GFOD2: variants seen among roughly 807,000 people sequenced by gnomAD.
The protein encoded by GFOD2 is Gfo/Idh/MocA-like oxidoreductase domain containing 2, also known as glucose-fructose oxidoreductase domain-containing protein 2.
GFOD2 carries 9 observed loss-of-function variants against 24.6 expected under a neutral mutation model. That is an observed-to-expected ratio of 0.37 (90% CI 0.22 to 0.64). The LOEUF is 0.64. Ranked by LOEUF, GFOD2 falls within the 30% of genes least tolerant of loss-of-function variation. The pLI is 0.65. For synonymous variants in GFOD2, 211 were observed against 224.8 expected, an observed-to-expected ratio of 0.94 and a Z score of 0.55; for missense variants, 476 against 532.5, an observed-to-expected ratio of 0.89 and a Z score of 1.04.
chr16:67,707,625 T>G (rs2053447965), intron 1 of GFOD2, among the ~76,000 whole-genome samples: 1 of 152,150 alleles, frequency 6.6e-6, no homozygotes, highest in Non-Finnish European at 1.5e-5. Context: ...GAAACAAATG[T>G]TCACATCATA....
In GFOD2 at chr16:67,676,054, CT is replaced by C; in HGVS notation, c.260-2del. 1 of 1,600,000 alleles carries C rather than the reference CT, an allele frequency of 6.3e-7. No homozygotes were observed. Among genetic ancestry groups the C allele is most frequent in the Non-Finnish European group, 8.5e-7 (1 of 1,171,878 alleles). On this transcript the variant is annotated splice_acceptor_variant, in intron 2 of 2. Transcript: ENST00000268797. LOFTEE classifies it high-confidence loss of function. ...TCGCAAACCACATTCTTCCCAATAC[CT>C]AACAACAGGACACAACAGGAAATCT...
chr16:67,680,761 T>A, intron 2 of GFOD2: 1 of 960,752 alleles, frequency 1.0e-6, no homozygotes, highest in Non-Finnish European at 1.2e-6. Flanking sequence ...TTTATTTTTT[T>A]AATACATATT....
rs571277222 is a variant in GFOD2 at position 67,691,510 on chromosome 16, C to G, written c.-87-5708G>C. 2.4e-4 allele frequency among the ~76,000 whole-genome samples: 35 copies of G among 144,764 alleles called. No individual in the cohort carries two copies. The East Asian group carries it at 4.9e-3, about 20-fold the overall frequency. The allele number at this position is 144,764 out of a possible 152,430, so 95.0% of individuals were successfully genotyped here. A position where few individuals can be genotyped will look rare whatever the true frequency, so the allele number is the denominator to read the frequency against. On this transcript the variant is annotated intron_variant, in intron 1 of 2. Transcript: ENST00000268797. ...GAAGCAAGTCACACTGTGCCTAGACCCCCCCCCAAAAAAAAAAAAATTAAG... is the reference window on the plus strand; with the variant it reads ...GAAGCAAGTCACACTGTGCCTAGACGCCCCCCCAAAAAAAAAAAAATTAAG...
intron 1 of GFOD2, among the ~76,000 whole-genome samples, chr16:67,716,730 C>T (rs925478290): frequency 3.3e-5 from 5 of 152,142 alleles, no homozygotes; most frequent in African/African-American, 9.7e-5. Context: ...GTTAACAGTA[C>T]TGATTTTCCC....
At chr16:67,680,200 T>C (rs1597790866) in intron 2 of GFOD2, among the ~76,000 whole-genome samples, 1 of 152,348 alleles carries the variant, frequency 6.6e-6, no homozygotes, top group African/African-American at 2.4e-5. Context: ...CCAACCCATG[T>C]TGATTTTATA....
chr16:67,683,542 T>C (rs1311064592), intron 2 of GFOD2: 10 of 1,231,774 alleles, frequency 8.1e-6, no homozygotes, highest in African/African-American at 1.5e-5. Flanking sequence ...TGGTGACCAA[T>C]GAATGAATAA....
chr16:67,693,085 C>G (rs2142995185), intron 1 of GFOD2, among the ~76,000 whole-genome samples: 1 of 151,988 alleles, frequency 6.6e-6, no homozygotes, highest in East Asian at 1.9e-4. Flanking sequence ...TCCTTTCTCA[C>G]TTTTTAAATA....
In GFOD2 at chr16:67,675,125, T is replaced by C. The variant is rs760198233; in HGVS notation, c.*30A>G. The stretch of plus-strand genomic sequence containing the variant: ...CTCCTGTTCCCCTCCCTGGTCCCTC[T>C]GCCCTGTGGCAAGGAGCCCAGGTGC... On this transcript the variant is annotated 3_prime_UTR_variant, in exon 3 of 3. Coordinates refer to ENST00000268797, the MANE Select transcript of GFOD2 (RefSeq NM_030819.4). The C allele has an allele frequency of 5.0e-6, 8 of 1,586,146 alleles. No individual in the cohort carries two copies. The highest frequency in any genetic ancestry group is 6.9e-6 in the Non-Finnish European group (8 of 1,164,182).
At chr16:67,682,727 A>C (rs1273049210) in intron 2 of GFOD2, 7 of 985,338 alleles carry the variant, frequency 7.1e-6, no homozygotes, top group African/African-American at 1.7e-5. Context: ...TGGCCTTAGA[A>C]GTAAGGTAAA....
chr16:67,699,412 A>C (rs2053383311), intron 1 of GFOD2, among the ~76,000 whole-genome samples: 1 of 152,174 alleles, frequency 6.6e-6, no homozygotes, highest in Non-Finnish European at 1.5e-5. Flanking sequence ...CAGGGGTTTA[A>C]TCCCAGGAAT....
At chr16:67,718,436 C>A (rs552107865) in intron 1 of GFOD2, among the ~76,000 whole-genome samples, 1 of 152,352 alleles carries the variant, frequency 6.6e-6, no homozygotes, top group Non-Finnish European at 1.5e-5. Flanking sequence ...GTGCTGTAGT[C>A]TGGAGGGTAA....
chr16:67,689,126 C>T (rs1433577103), intron 1 of GFOD2, among the ~76,000 whole-genome samples: 1 of 151,302 alleles, frequency 6.6e-6, no homozygotes, highest in East Asian at 2.0e-4. Flanking sequence ...TGCAACCTCC[C>T]CCTCCTGGTT....
At chr16:67,695,281 G>A (rs1427782011) in intron 1 of GFOD2, among the ~76,000 whole-genome samples, 1 of 152,028 alleles carries the variant, frequency 6.6e-6, no homozygotes, top group Non-Finnish European at 1.5e-5. Context: ...ACAGGCATGA[G>A]CCACTGAGCC....
At chr16:67,679,102 G>A (rs2053204737) in intron 2 of GFOD2, among the ~76,000 whole-genome samples, 2 of 152,270 alleles carry the variant, frequency 1.3e-5, no homozygotes, top group Admixed American at 6.5e-5. Context: ...AGGAGATTGG[G>A]GCTGCAGTTT....
In GFOD2 at chr16:67,675,998, C is replaced by T. The variant is rs2053182655; in HGVS notation, c.315G>A (p.Arg105=). ...GGTAGTAGCGCGAGGCTGTCACCAT[C>T]CGGAAGGCATCCACCGATGTTGCTG... The part of the protein sequence containing the change: ...EKAATSVDAF[R]MVTASRYYPQ... Residue 105 remains arginine (R), a synonymous_variant, in exon 3 of 3, where the codon CGG becomes CGA. Transcript: ENST00000268797. 6.2e-7 allele frequency: 1 copy of T among 1,613,992 alleles called. No individual in the cohort carries two copies. The highest frequency in any genetic ancestry group is 8.5e-7 in the Non-Finnish European group (1 of 1,180,004).
intron 2 of GFOD2, chr16:67,682,448 G>A (rs2053234099): frequency 2.0e-6 from 2 of 985,182 alleles, no homozygotes; most frequent in South Asian, 9.4e-5. Context: ...AGATGCTAGG[G>A]GCACCTTGCA....
chr16:67,690,112 T>C (rs1203128310), intron 1 of GFOD2, among the ~76,000 whole-genome samples: 2 of 152,234 alleles, frequency 1.3e-5, no homozygotes, highest in East Asian at 3.8e-4. Flanking sequence ...TTTTAGCTAC[T>C]GTGAATAATA....
At chr16:67,708,461 C>G (rs761619213) in intron 1 of GFOD2, among the ~76,000 whole-genome samples, 42 of 152,310 alleles carry the variant, frequency 2.8e-4, no homozygotes, top group Admixed American at 1.8e-3. Flanking sequence ...CAGTGTGTCA[C>G]ACTGGGTGAG....
intron 1 of GFOD2, among the ~76,000 whole-genome samples, chr16:67,700,199 C>A (rs1291918033): frequency 6.6e-6 from 1 of 152,014 alleles, no homozygotes; most frequent in Admixed American, 6.6e-5. Context: ...CAAGGTAAAA[C>A]CCCATCTCTA....
Sources: allele counts gnomAD v4.1 joint callset (sites outside exome capture counted in the v4.1 genomes callset), GRCh38; gene constraint gnomAD v4.1.1; transcripts MANE v1.5; gene names NCBI Gene and HGNC (gene_info 2026-07-23, HGNC 2026-07-21).